FRG1: variants seen among roughly 807,000 people sequenced by gnomAD.
The protein encoded by FRG1 is protein FRG1.
FRG1 carries 19 observed loss-of-function variants against 37.0 expected under a neutral mutation model. The observed-to-expected ratio is 0.51, with a 90% confidence interval of 0.36 to 0.75. FRG1 has a LOEUF of 0.75. Among genes scored for constraint, FRG1 ranks in the 30% least tolerant of loss-of-function variants. The pLI is 0.00. For synonymous variants in FRG1, 73 were observed against 96.5 expected, an observed-to-expected ratio of 0.76 and a Z score of 1.43; for missense variants, 243 against 301.4, an observed-to-expected ratio of 0.81 and a Z score of 1.44.
At chr4:189,949,099 A>G (rs1736649826) in intron 2 of FRG1, among the ~76,000 whole-genome samples, 1 of 152,202 alleles carries the variant, frequency 6.6e-6, no homozygotes, top group Non-Finnish European at 1.5e-5. Flanking sequence ...AACTTTAAGC[A>G]TGTGTCTAAA....
At chr4:189,950,124 C>T (rs2126807282) in intron 2 of FRG1, among the ~76,000 whole-genome samples, 1 of 152,254 alleles carries the variant, frequency 6.6e-6, no homozygotes, top group Middle Eastern at 3.4e-3. Context: ...TTATATTTCC[C>T]TAGTGACTAG....
intron 2 of FRG1, among the ~76,000 whole-genome samples, chr4:189,950,366 A>G (rs199888958): frequency 6.6e-6 from 1 of 152,080 alleles, no homozygotes; most frequent in African/African-American, 2.4e-5. Flanking sequence ...AAAGTTTTTA[A>G]TTCTGATGAA....
In FRG1 at chr4:189,957,357, A is replaced by G. The variant is rs12511235; in HGVS notation, c.433-41A>G. 151,184 of 1,541,570 alleles carry G rather than the reference A, an allele frequency of 0.098. 8,509 individuals carry two copies. The highest frequency in any genetic ancestry group is 0.11 in the Non-Finnish European group (125,431 of 1,137,356). On this transcript the variant is annotated intron_variant, in intron 5 of 8. Transcript: ENST00000226798. ...CTAAACACTTAATGTTTCTCCCACAAGAAGTATCCTCATGGCTATTTTGTT... is the reference window on the plus strand; with the variant it reads ...CTAAACACTTAATGTTTCTCCCACAGGAAGTATCCTCATGGCTATTTTGTT...
intron 2 of FRG1, among the ~76,000 whole-genome samples, chr4:189,945,761 T>G (rs540188662): frequency 6.6e-6 from 1 of 152,306 alleles, no homozygotes; most frequent in South Asian, 2.1e-4. Context: ...AAGGTGATAC[T>G]GGGTGTCACA....
chr4:189,945,608 C>T (rs372133266), intron 2 of FRG1, among the ~76,000 whole-genome samples: 1,771 of 151,824 alleles, frequency 0.012, 16 homozygotes, highest in Middle Eastern at 0.02. Flanking sequence ...GGTTGTGGTG[C>T]GTTGTCCTTT....
intron 8 of FRG1, among the ~76,000 whole-genome samples, chr4:189,962,748 G>A (rs575646085): frequency 3.4e-4 from 51 of 152,218 alleles, no homozygotes; most frequent in South Asian, 8.3e-4. Context: ...ACTCTAAAAC[G>A]GAATAAGCTC....
chr4:189,947,223 T>G (rs1412817227), intron 2 of FRG1, among the ~76,000 whole-genome samples: 2 of 152,210 alleles, frequency 1.3e-5, no homozygotes, highest in Non-Finnish European at 2.9e-5. Context: ...TACTGATTTT[T>G]TACTAATGCT....
At chr4:189,949,039 GAC>G (rs1189002584) in intron 2 of FRG1, among the ~76,000 whole-genome samples, 1 of 152,100 alleles carries the variant, frequency 6.6e-6, no homozygotes. Flanking sequence ...TGCATTGTGA[GAC>G]AACACAGCAG....
chr4:189,950,742 C>A (rs1347019641), intron 2 of FRG1, among the ~76,000 whole-genome samples: 1 of 152,120 alleles, frequency 6.6e-6, no homozygotes, highest in African/African-American at 2.4e-5. Context: ...TGTGCCCAGG[C>A]CCCAGCATTA....
rs1483074510 is a variant in FRG1, at chr4:189,961,937, C to T, written c.740+5C>T. 4.8e-6 allele frequency: 7 copies of T among 1,466,216 alleles called. No individual in the cohort carries two copies. The highest frequency in any genetic ancestry group is 6.5e-6 in the Non-Finnish European group (7 of 1,073,380). The allele number at this position is 1,466,216 out of a possible 1,614,324, so 90.8% of individuals were successfully genotyped here. A position where few individuals can be genotyped will look rare whatever the true frequency, so the allele number is the denominator to read the frequency against. On this transcript the variant is annotated splice_donor_5th_base_variant and intron_variant, in intron 8 of 8. Transcript: ENST00000226798. ...GCATGAGACGCTTCTGGACAGGTAG[C>T]TATTTATTTACTTATTTCCACTATT...
intron 2 of FRG1, among the ~76,000 whole-genome samples, chr4:189,945,663 T>TTG (rs1276447236): frequency 1.5e-4 from 22 of 150,736 alleles, no homozygotes; most frequent in African/African-American, 2.2e-4. Flanking sequence ...GTTTTTTGTT[T>TTG]TTTTTTAAGA....
intron 2 of FRG1, among the ~76,000 whole-genome samples, chr4:189,949,354 G>A (rs1736660305): frequency 6.6e-6 from 1 of 152,180 alleles, no homozygotes; most frequent in Admixed American, 6.5e-5. Flanking sequence ...CAGAAAGTAG[G>A]CAGAATGCTC....
At chr4:189,958,659 T>C (rs1737093177) in intron 6 of FRG1, among the ~76,000 whole-genome samples, 1 of 152,268 alleles carries the variant, frequency 6.6e-6, no homozygotes, top group African/African-American at 2.4e-5. Context: ...CTCTTTGTTT[T>C]ACATCATTGT....
At chr4:189,953,470 A>G (rs1432524076) in intron 4 of FRG1, among the ~76,000 whole-genome samples, 1 of 152,166 alleles carries the variant, frequency 6.6e-6, no homozygotes, top group Non-Finnish European at 1.5e-5. Flanking sequence ...GACTAAAAAA[A>G]GGAATATTGT....
intron 4 of FRG1, among the ~76,000 whole-genome samples, 197 bp downstream of exon 4, chr4:189,953,322 AT>A (rs1736841507): frequency 4.6e-5 from 7 of 151,800 alleles, no homozygotes; most frequent in African/African-American, 1.5e-4. Context: ...TGGAAAAAAA[AT>A]AAGTTAAAAA....
rs201419457 is a variant in FRG1, at chr4:189,940,953, C to G, written c.-57C>G. The G allele has an allele frequency of 1.4e-6, 2 of 1,426,474 alleles. No individual in the cohort carries two copies. The highest frequency in any genetic ancestry group is 2.3e-5 in the South Asian group (2 of 86,282). The allele number at this position is 1,426,474 out of a possible 1,614,324, so 88.4% of individuals were successfully genotyped here. Reference sequence around the variant, plus strand: ...TCTCCGCGCCCCTGTGCTGCCCCGACTCACATACTCGTCCAGAACCGGCCT... The same window carrying G: ...TCTCCGCGCCCCTGTGCTGCCCCGAGTCACATACTCGTCCAGAACCGGCCT... On this transcript the variant is annotated 5_prime_UTR_variant, in exon 1 of 9. Coordinates refer to ENST00000226798, the MANE Select transcript of FRG1 (RefSeq NM_004477.3).
At chr4:189,960,120 G>T (rs1276987474) in intron 6 of FRG1, among the ~76,000 whole-genome samples, 1 of 152,216 alleles carries the variant, frequency 6.6e-6, no homozygotes, top group Non-Finnish European at 1.5e-5. Flanking sequence ...CCTGGAACTG[G>T]ACTCTGGCCA....
chr4:189,958,513 G>T (rs1737086658), intron 6 of FRG1, among the ~76,000 whole-genome samples: 1 of 152,158 alleles, frequency 6.6e-6, no homozygotes, highest in South Asian at 2.1e-4. Flanking sequence ...CATAAAACAT[G>T]ATTTTTATTT....
At chr4:189,949,859 TTGTG>T (rs962538787) in intron 2 of FRG1, among the ~76,000 whole-genome samples, 1 of 152,162 alleles carries the variant, frequency 6.6e-6, no homozygotes, top group African/African-American at 2.4e-5. Flanking sequence ...TCCATTGGTT[TTGTG>T]TGTGTGTGGA....
Sources: gnomAD v4.1 joint callset for allele counts (sites outside exome capture counted in the v4.1 genomes callset) on GRCh38, gnomAD v4.1.1 for gene constraint, MANE v1.5 for transcripts, NCBI Gene and HGNC (gene_info 2026-07-23, HGNC 2026-07-21) for gene names.